ARID4A: variants seen among roughly 807,000 people sequenced by gnomAD.
The protein encoded by ARID4A is AT-rich interactive domain-containing protein 4A.
Under a neutral mutation model 148.6 loss-of-function variants are expected in ARID4A, and 39 were observed. The ratio of observed to expected loss-of-function variants is 0.26; its 90% CI spans 0.20 to 0.34. The LOEUF (loss-of-function observed/expected upper bound fraction) is 0.34, where lower values mean the gene tolerates loss of function less well. Among genes scored for constraint, ARID4A ranks in the 10% least tolerant of loss-of-function variants. ARID4A has a pLI of 1.00. For synonymous variants in ARID4A, 475 were observed against 481.2 expected, an observed-to-expected ratio of 0.99 and a Z score of 0.17; for missense variants, 1,265 against 1,449.1, an observed-to-expected ratio of 0.87 and a Z score of 2.06.
chr14:58,369,499 G>A (rs2140278857), intron 23 of ARID4A, among the ~76,000 whole-genome samples: 1 of 151,532 alleles, frequency 6.6e-6, no homozygotes, highest in Non-Finnish European at 1.5e-5. Flanking sequence ...GGTGGCAGAT[G>A]CCTGTAATCC....
rs1405074053 is a variant in ARID4A at position 58,329,989 on chromosome 14, A to G, written c.740-14A>G. ...AATTCCATAGCAACTGCTGAAGTAC[A>G]TTTTCACTCTTAGGGCTTCAGAAAG... On this transcript the variant is annotated splice_polypyrimidine_tract_variant and intron_variant, in intron 10 of 23. Transcript: ENST00000355431. The G allele has an allele frequency of 6.3e-6, 10 of 1,594,708 alleles. No homozygotes were observed. Among genetic ancestry groups the G allele is most frequent in the Non-Finnish European group, 8.5e-6 (10 of 1,174,174 alleles).
chr14:58,299,498 C>G (rs2030929016), intron 1 of ARID4A: 1 of 253,046 alleles, frequency 4.0e-6, no homozygotes, highest in East Asian at 7.3e-5. Context: ...GAGCTCTGGC[C>G]TTTTCCGGAG....
chr14:58,371,773 A>C, intron 23 of ARID4A, 113 bp from the exon 24 acceptor site: 3 of 815,402 alleles, frequency 3.7e-6, no homozygotes, highest in Non-Finnish European at 6.0e-6. Flanking sequence ...GTGACATATA[A>C]GAGGCCTGTG....
intron 18 of ARID4A, among the ~76,000 whole-genome samples, chr14:58,360,456 A>G (rs1442069191): frequency 6.6e-6 from 1 of 152,186 alleles, no homozygotes; most frequent in East Asian, 1.9e-4. Flanking sequence ...ACCCTCACCC[A>G]CATCCTCAGT....
At position 58,304,997 on chromosome 14, in the gene ARID4A, G is replaced by A; in HGVS notation, c.171G>A (p.Lys57=). The A allele has an allele frequency of 6.2e-7, 1 of 1,605,484 alleles. No homozygotes were observed. Among genetic ancestry groups the A allele is most frequent in the Admixed American group, 1.7e-5 (1 of 58,650 alleles). ...TTQLVQDDQV[K]GPLRVGAIVE... The stretch of plus-strand genomic sequence containing the variant: ...AATTGGTACAAGATGACCAAGTAAA[G>A]GGTCCTTTAAGAGTATGTATGTTGT... Residue 57 remains lysine, a synonymous_variant, in exon 4 of 24, where the codon AAG becomes AAA. Coordinates refer to ENST00000355431, the MANE Select transcript of ARID4A (RefSeq NM_002892.4).
chr14:58,322,764 C>T (rs564268170), intron 7 of ARID4A, among the ~76,000 whole-genome samples: 1 of 151,800 alleles, frequency 6.6e-6, no homozygotes, highest in African/African-American at 2.4e-5. Context: ...GAGTTCAAGA[C>T]CAGCCTGGCC....
At chr14:58,320,236 A>G (rs1041232015) in intron 7 of ARID4A, among the ~76,000 whole-genome samples, 7 of 151,694 alleles carry the variant, frequency 4.6e-5, no homozygotes, top group Non-Finnish European at 7.4e-5. Context: ...GTGAGCCACC[A>G]CACCCGGCCT....
intron 5 of ARID4A, among the ~76,000 whole-genome samples, chr14:58,309,060 A>G (rs1283808412): frequency 6.6e-6 from 1 of 152,220 alleles, no homozygotes; most frequent in East Asian, 1.9e-4. Context: ...TGGATATAGT[A>G]TGACTCAGTT....
chr14:58,318,857 A>C (rs540679048), intron 7 of ARID4A, 52 bp downstream of exon 7: 7 of 1,450,868 alleles, frequency 4.8e-6, no homozygotes, highest in Non-Finnish European at 6.7e-6. Context: ...TATAACCTTA[A>C]ACAAGGGATT....
intron 2 of ARID4A, among the ~76,000 whole-genome samples, chr14:58,300,121 C>G (rs1461998144): frequency 6.6e-6 from 1 of 152,304 alleles, no homozygotes; most frequent in South Asian, 2.1e-4. Context: ...TTTTTAAACA[C>G]TTCCTGTGTT....
At position 58,365,317 on chromosome 14, in the gene ARID4A, G is replaced by T; in HGVS notation, c.3211+17G>T. ...GAGAGAAGGGTAAGGACTTTCTAGG[G>T]AAAAGTAAGTGTTTATATGAAACCA... On this transcript the variant is annotated intron_variant, in intron 20 of 23. Coordinates refer to ENST00000355431, the MANE Select transcript of ARID4A (RefSeq NM_002892.4). 6.3e-7 allele frequency: 1 copy of T among 1,589,104 alleles called. No individual in the cohort carries two copies. Among genetic ancestry groups the T allele is most frequent in the African/African-American group, 1.4e-5 (1 of 73,888 alleles).
At chr14:58,349,874 G>A (rs1244540815) in intron 15 of ARID4A, among the ~76,000 whole-genome samples, 1 of 152,050 alleles carries the variant, frequency 6.6e-6, no homozygotes, top group Non-Finnish European at 1.5e-5. Context: ...ACTTTGGTAG[G>A]CCGAGGCGGG....
At chr14:58,352,384 T>C (rs957167251) in intron 16 of ARID4A, among the ~76,000 whole-genome samples, 1 of 152,142 alleles carries the variant, frequency 6.6e-6, no homozygotes, top group African/African-American at 2.4e-5. Flanking sequence ...ATAGTGAGTA[T>C]AGAATTTTAA....
intron 17 of ARID4A, among the ~76,000 whole-genome samples, chr14:58,357,840 C>A (rs1052999945): frequency 6.6e-6 from 1 of 152,080 alleles, no homozygotes; most frequent in African/African-American, 2.4e-5. Context: ...TTATTTAGTT[C>A]TAGAAACCTT....
intron 22 of ARID4A, 26 bp from the exon 23 acceptor site, chr14:58,366,857 A>G: frequency 1.4e-6 from 2 of 1,465,268 alleles, no homozygotes; most frequent in South Asian, 2.9e-5. Context: ...TTTAAAATCC[A>G]AATTAACTTC....
At chr14:58,365,467 C>CTTTTTTT (rs71107938) in intron 20 of ARID4A, 51 bp from the exon 21 acceptor site, 85 of 351,566 alleles carry the variant, frequency 2.4e-4, no homozygotes, top group Middle Eastern at 7.5e-4. Context: ...TATACTTGCT[C>CTTTTTTT]TTTTTTTTTT....
At chr14:58,329,880 T>C (rs2033424751) in intron 10 of ARID4A, 123 bp from the exon 11 acceptor site, 1 of 1,428,596 alleles carries the variant, frequency 7.0e-7, no homozygotes, top group Non-Finnish European at 9.4e-7. Flanking sequence ...TAAAGCTTAC[T>C]GTATCATTTT....
chr14:58,314,494 T>C (rs1213177860), intron 5 of ARID4A, among the ~76,000 whole-genome samples: 2 of 152,198 alleles, frequency 1.3e-5, no homozygotes, highest in Non-Finnish European at 2.9e-5. Context: ...GTGGCAATTA[T>C]AGCTCCCTGC....
chr14:58,361,380 G>T (rs1437935745), intron 19 of ARID4A, among the ~76,000 whole-genome samples: 2 of 152,050 alleles, frequency 1.3e-5, no homozygotes, highest in Non-Finnish European at 2.9e-5. Context: ...TTTTGTTCAT[G>T]AAATAAAGAT....
Sources: gnomAD v4.1 joint callset for allele counts (sites outside exome capture counted in the v4.1 genomes callset) on GRCh38, gnomAD v4.1.1 for gene constraint, MANE v1.5 for transcripts, NCBI Gene and HGNC (gene_info 2026-07-23, HGNC 2026-07-21) for gene names.